CARMIL1: variants seen among roughly 807,000 people sequenced by gnomAD.
The protein encoded by CARMIL1 is F-actin-uncapping protein LRRC16A.
CARMIL1 carries 90 observed loss-of-function variants against 177.1 expected under a neutral mutation model. The observed-to-expected ratio is 0.51, with a 90% CI of 0.43 to 0.61. CARMIL1 has a LOEUF of 0.61. Ranked by LOEUF, CARMIL1 falls within the 20% of genes least tolerant of loss-of-function variation. The pLI is 0.00. For synonymous variants in CARMIL1, 577 were observed against 606.2 expected, an observed-to-expected ratio of 0.95 and a Z score of 0.71; for missense variants, 1,380 against 1,667.0, an observed-to-expected ratio of 0.83 and a Z score of 3.00.
Position 25,610,032 on chromosome 6 carries a change from GT to G in CARMIL1, c.3848-17del, listed in dbSNP as rs1562340097. On this transcript the variant is annotated splice_polypyrimidine_tract_variant and intron_variant, in intron 35 of 36. Transcript: ENST00000329474. ...CAGTTTGTGGAACAGTTTGATTCAC[GT>G]GTTTGTGTCTCCTTAGATGACATTC... 3 of 1,608,386 alleles carry G rather than the reference GT, an allele frequency of 1.9e-6. No homozygotes were observed. The highest frequency in any genetic ancestry group is 2.5e-6 in the Non-Finnish European group (3 of 1,177,174).
chr6:25,619,414 C>T (rs755466812), intron 36 of CARMIL1, 33 bp from the exon 37 acceptor site: 23 of 1,602,176 alleles, frequency 1.4e-5, no homozygotes, highest in South Asian at 4.5e-5. Context: ...ATTACTTTGT[C>T]AGTAAACTGT....
intron 2 of CARMIL1, among the ~76,000 whole-genome samples, chr6:25,343,105 A>G (rs955908352): frequency 6.6e-6 from 1 of 152,196 alleles, no homozygotes; most frequent in African/African-American, 2.4e-5. Flanking sequence ...TGTTTCCTCA[A>G]TGTGGAATGT....
chr6:25,568,390 C>T (rs552421055), intron 29 of CARMIL1, among the ~76,000 whole-genome samples: 23 of 152,070 alleles, frequency 1.5e-4, no homozygotes, highest in Non-Finnish European at 3.2e-4. Context: ...GGATCAGCGC[C>T]CAGCCTAGGA....
intron 2 of CARMIL1, among the ~76,000 whole-genome samples, chr6:25,365,750 C>T (rs1789719558): frequency 6.6e-6 from 1 of 152,076 alleles, no homozygotes; most frequent in Non-Finnish European, 1.5e-5. Context: ...GGGGTTTTGC[C>T]ATGTTGCCTA....
At chr6:25,510,421 A>G (rs9461183) in intron 18 of CARMIL1, 86 bp from the exon 19 acceptor site, 314,814 of 763,364 alleles carry the variant, frequency 0.41, 68,385 homozygotes, top group Middle Eastern at 0.53. Context: ...ATCCAACTAT[A>G]TGTCACCTTT....
At chr6:25,565,330 G>GAA (rs1811458178) in intron 29 of CARMIL1, among the ~76,000 whole-genome samples, 2 of 152,174 alleles carry the variant, frequency 1.3e-5, no homozygotes, top group Non-Finnish European at 2.9e-5. Flanking sequence ...AAACAGTGGT[G>GAA]ACTTCTGTTT....
At chr6:25,474,456 GT>G (rs558801720) in intron 11 of CARMIL1, among the ~76,000 whole-genome samples, 93 of 152,160 alleles carry the variant, frequency 6.1e-4, no homozygotes, top group African/African-American at 2.2e-3. Context: ...TGATATAGAT[GT>G]TCAGTTTTTC....
At chr6:25,394,866 A>C (rs1013767590) in intron 2 of CARMIL1, among the ~76,000 whole-genome samples, 1 of 152,242 alleles carries the variant, frequency 6.6e-6, no homozygotes, top group Non-Finnish European at 1.5e-5. Flanking sequence ...TACTGTTTAT[A>C]AGTAAATATG....
At chr6:25,495,999 G>A (rs1803667909) in intron 16 of CARMIL1, among the ~76,000 whole-genome samples, 1 of 152,080 alleles carries the variant, frequency 6.6e-6, no homozygotes, top group South Asian at 2.1e-4. Flanking sequence ...CTGTAAATCA[G>A]CATTTAATTT....
chr6:25,333,185 G>A (rs964487028), intron 2 of CARMIL1, among the ~76,000 whole-genome samples: 2 of 152,174 alleles, frequency 1.3e-5, no homozygotes, highest in African/African-American at 2.4e-5. Context: ...GCGCTTAAAG[G>A]TGTTAAGTGA....
At chr6:25,398,055 A>G (rs1581801684) in intron 2 of CARMIL1, among the ~76,000 whole-genome samples, 2 of 152,268 alleles carry the variant, frequency 1.3e-5, no homozygotes, top group Admixed American at 6.5e-5. Flanking sequence ...AAAAGATTAC[A>G]TTTTCTAAAG....
intron 2 of CARMIL1, among the ~76,000 whole-genome samples, chr6:25,413,739 G>T (rs1297579103): frequency 6.6e-6 from 1 of 152,172 alleles, no homozygotes; most frequent in African/African-American, 2.4e-5. Flanking sequence ...GGGGAGGTGG[G>T]AGGGAAGTTG....
chr6:25,286,167 G>A (rs1351222103), intron 2 of CARMIL1, among the ~76,000 whole-genome samples: 3 of 152,318 alleles, frequency 2.0e-5, no homozygotes, highest in South Asian at 2.1e-4. Context: ...GCCACTGTGC[G>A]TGGCCTGAAA....
chr6:25,446,142 A>G (rs867221719), intron 5 of CARMIL1, among the ~76,000 whole-genome samples: 1 of 152,192 alleles, frequency 6.6e-6, no homozygotes, highest in Non-Finnish European at 1.5e-5. Flanking sequence ...GGAATGGAAC[A>G]TCAGCACTGA....
intron 13 of CARMIL1, among the ~76,000 whole-genome samples, chr6:25,489,747 T>A (rs1280787322): frequency 2.0e-5 from 3 of 152,120 alleles, no homozygotes; most frequent in Non-Finnish European, 2.9e-5. Flanking sequence ...CCTTTTCCTC[T>A]CCCTTGAACT....
intron 13 of CARMIL1, among the ~76,000 whole-genome samples, chr6:25,489,750 C>T (rs959711244): frequency 2.0e-5 from 3 of 152,110 alleles, no homozygotes; most frequent in African/African-American, 7.2e-5. Context: ...TTTCCTCTCC[C>T]TTGAACTTAA....
At chr6:25,604,293 TG>T (rs780008283) in intron 33 of CARMIL1, among the ~76,000 whole-genome samples, 35 of 152,172 alleles carry the variant, frequency 2.3e-4, no homozygotes, top group Non-Finnish European at 3.7e-4. Flanking sequence ...TTGCCTAGGC[TG>T]GTCTCAAGCT....
At chr6:25,590,517 C>A (rs1246707000) in intron 31 of CARMIL1, among the ~76,000 whole-genome samples, 1 of 152,102 alleles carries the variant, frequency 6.6e-6, no homozygotes, top group Non-Finnish European at 1.5e-5. Context: ...GAAGCTCTTT[C>A]TTTTCTCCTA....
rs1803264094 is a variant in CARMIL1, at chr6:25,491,820, A to T, written c.1143+11A>T. 6.4e-7 allele frequency: 1 copy of T among 1,562,486 alleles called. No homozygotes were observed. Among genetic ancestry groups the T allele is most frequent in the South Asian group, 1.2e-5 (1 of 85,656 alleles). ...TGTTCCCTGGACATGGTAAATTTAA[A>T]ATATATATATATCTTGCTCTGAGGG... On this transcript the variant is annotated intron_variant, in intron 14 of 36. Coordinates refer to ENST00000329474, the MANE Select transcript of CARMIL1 (RefSeq NM_017640.6).
Sources: allele counts gnomAD v4.1 joint callset (sites outside exome capture counted in the v4.1 genomes callset), GRCh38; gene constraint gnomAD v4.1.1; transcripts MANE v1.5; gene names NCBI Gene and HGNC (gene_info 2026-07-23, HGNC 2026-07-21).